PRKCA: variants seen among roughly 807,000 people sequenced by gnomAD.
The protein encoded by PRKCA is protein kinase C alpha, also known as protein kinase C alpha type.
PRKCA carries 27 observed loss-of-function variants against 87.0 expected under a neutral mutation model. That is an observed-to-expected ratio of 0.31 (90% confidence interval 0.23 to 0.43). The LOEUF (loss-of-function observed/expected upper bound fraction) is 0.43. Among genes scored for constraint, PRKCA ranks in the 20% least tolerant of loss-of-function variants. The probability of loss-of-function intolerance (pLI) is 1.00; values close to 1 mark genes in which losing one functional copy is unlikely to be tolerated. For synonymous variants in PRKCA, 329 were observed against 311.1 expected, an observed-to-expected ratio of 1.06 and a Z score of -0.61; for missense variants, 518 against 852.3, an observed-to-expected ratio of 0.61 and a Z score of 4.88.
chr17:66,784,295 G>C (rs1975322458), intron 14 of PRKCA, among the ~76,000 whole-genome samples: 1 of 152,096 alleles, frequency 6.6e-6, no homozygotes. Context: ...TCCCAGGCTA[G>C]AGTGCAGCAG....
At chr17:66,414,745 G>A (rs537542293) in intron 2 of PRKCA, among the ~76,000 whole-genome samples, 2 of 152,240 alleles carry the variant, frequency 1.3e-5, no homozygotes, top group South Asian at 2.1e-4. Flanking sequence ...TCTGGTGAAC[G>A]CCAGGTGTAC....
At chr17:66,770,451 T>C (rs762828722) in intron 13 of PRKCA, among the ~76,000 whole-genome samples, 3 of 152,188 alleles carry the variant, frequency 2.0e-5, no homozygotes, top group Non-Finnish European at 4.4e-5. Context: ...GTGTTTTCTG[T>C]TCTAACTTCA....
At chr17:66,585,726 GT>G (rs1969573939) in intron 3 of PRKCA, among the ~76,000 whole-genome samples, 1 of 152,178 alleles carries the variant, frequency 6.6e-6, no homozygotes, top group Non-Finnish European at 1.5e-5. Flanking sequence ...CCAGCTCACT[GT>G]TCTTGAGACT....
intron 3 of PRKCA, among the ~76,000 whole-genome samples, chr17:66,544,114 T>TG (rs940670663): frequency 2.5e-4 from 38 of 151,698 alleles, no homozygotes; most frequent in African/African-American, 8.9e-4. Flanking sequence ...ACTGGGGTGG[T>TG]GGGGGGAGCT....
intron 5 of PRKCA, among the ~76,000 whole-genome samples, chr17:66,681,621 A>G (rs1972496576): frequency 6.6e-6 from 1 of 152,138 alleles, no homozygotes; most frequent in African/African-American, 2.4e-5. Context: ...CGGCACTGTT[A>G]TTTTCCCTGT....
chr17:66,687,384 T>A, intron 6 of PRKCA, 117 bp downstream of exon 6: 1 of 1,101,248 alleles, frequency 9.1e-7, no homozygotes, highest in Non-Finnish European at 1.3e-6. Context: ...TCTTCAGTCC[T>A]AAGACCTCCT....
chr17:66,720,427 AATAG>A (rs1277332481), intron 8 of PRKCA, among the ~76,000 whole-genome samples: 5 of 152,248 alleles, frequency 3.3e-5, no homozygotes, highest in Non-Finnish European at 7.3e-5. Context: ...AGTAGAAGAT[AATAG>A]ATATCATGAC....
chr17:66,612,989 GA>G (rs752373711), intron 3 of PRKCA, among the ~76,000 whole-genome samples: 10 of 152,120 alleles, frequency 6.6e-5, no homozygotes, highest in Non-Finnish European at 1.3e-4. Flanking sequence ...TGTTAATTCA[GA>G]AGAATAGAAC....
intron 3 of PRKCA, among the ~76,000 whole-genome samples, chr17:66,525,287 C>G (rs1967308771): frequency 6.6e-6 from 1 of 152,144 alleles, no homozygotes; most frequent in Non-Finnish European, 1.5e-5. Context: ...CTTAAAGTCT[C>G]AAGATGCTCA....
intron 2 of PRKCA, among the ~76,000 whole-genome samples, chr17:66,458,760 C>T (rs1302603531): frequency 1.3e-5 from 2 of 152,156 alleles, no homozygotes; most frequent in Non-Finnish European, 2.9e-5. Flanking sequence ...GGATTACAGG[C>T]GTGAGCCACC....
intron 8 of PRKCA, among the ~76,000 whole-genome samples, chr17:66,692,144 A>C (rs750178080): frequency 2.6e-5 from 4 of 152,218 alleles, no homozygotes; most frequent in Non-Finnish European, 5.9e-5. Context: ...AGGTGGCATC[A>C]GCAGAGTTGC....
intron 2 of PRKCA, among the ~76,000 whole-genome samples, chr17:66,349,612 G>A (rs1907613939): frequency 6.6e-6 from 1 of 152,132 alleles, no homozygotes; most frequent in Admixed American, 6.5e-5. Flanking sequence ...TGCCCATGCG[G>A]TAGACTCTGG....
At chr17:66,370,711 C>T (rs4791064) in intron 2 of PRKCA, among the ~76,000 whole-genome samples, 148,625 of 152,074 alleles carry the variant, frequency 0.98, 72,656 homozygotes, top group East Asian at 1. Flanking sequence ...CCACCATGCC[C>T]GGCTAACATT....
At chr17:66,317,883 C>T (rs191816671) in intron 2 of PRKCA, among the ~76,000 whole-genome samples, 43 of 152,318 alleles carry the variant, frequency 2.8e-4, no homozygotes, top group African/African-American at 9.6e-4. Flanking sequence ...GGAGATTACT[C>T]ATTTTTTAAA....
chr17:66,630,995 A>G (rs1427239006), intron 3 of PRKCA, among the ~76,000 whole-genome samples: 4 of 152,188 alleles, frequency 2.6e-5, no homozygotes, highest in Admixed American at 1.3e-4. Flanking sequence ...TTGGCCAGTG[A>G]CATGCAAACA....
At chr17:66,449,880 T>C (rs925734828) in intron 2 of PRKCA, among the ~76,000 whole-genome samples, 1 of 152,176 alleles carries the variant, frequency 6.6e-6, no homozygotes, top group Non-Finnish European at 1.5e-5. Context: ...TTGTTTGTTT[T>C]GTTTTGTTCT....
intron 8 of PRKCA, among the ~76,000 whole-genome samples, chr17:66,731,631 T>G (rs550621141): frequency 6.6e-6 from 1 of 152,266 alleles, no homozygotes; most frequent in Admixed American, 6.5e-5. Flanking sequence ...TTTTACCTTT[T>G]GCCTTTGACA....
intron 14 of PRKCA, among the ~76,000 whole-genome samples, chr17:66,784,412 A>AT (rs966099045): frequency 8.5e-5 from 13 of 152,102 alleles, no homozygotes; most frequent in Admixed American, 5.9e-4. Context: ...CAGTCGGCTA[A>AT]TTTTTTGTGT....
intron 14 of PRKCA, among the ~76,000 whole-genome samples, chr17:66,785,403 G>A (rs987412420): frequency 3.3e-5 from 5 of 152,182 alleles, no homozygotes; most frequent in African/African-American, 1.2e-4. Flanking sequence ...TGTGTGACCT[G>A]CCCGTGTCAG....
Sources: gnomAD v4.1 joint callset for allele counts (sites outside exome capture counted in the v4.1 genomes callset) on GRCh38, gnomAD v4.1.1 for gene constraint, MANE v1.5 for transcripts, NCBI Gene and HGNC (gene_info 2026-07-23, HGNC 2026-07-21) for gene names.